The following ATP10A variants were observed in gnomAD, a reference collection of about 807,000 sequenced individuals.
The protein encoded by ATP10A is ATPase phospholipid transporting 10A (putative).
ATP10A carries 111 observed loss-of-function variants against 147.8 expected under a neutral mutation model. The ratio of observed to expected loss-of-function variants is 0.75; its 90% CI spans 0.64 to 0.88. ATP10A has a LOEUF of 0.88. ATP10A is among the 40% of genes least tolerant of loss of function. The pLI is 0.00. For missense variants in ATP10A, 1,927 were observed against 1,959.0 expected, an observed-to-expected ratio of 0.98 and a Z score of 0.31; for synonymous variants, 875 against 841.6, an observed-to-expected ratio of 1.04 and a Z score of -0.69.
intron 2 of ATP10A, among the ~76,000 whole-genome samples, chr15:25,753,723 A>G (rs1174318738): frequency 6.7e-6 from 1 of 149,910 alleles, no homozygotes; most frequent in Admixed American, 6.7e-5. Context: ...TGCAGTTTCT[A>G]TCTATATAAT....
intron 15 of ATP10A, among the ~76,000 whole-genome samples, chr15:25,689,059 A>T (rs999941119): frequency 2.0e-5 from 3 of 152,256 alleles, no homozygotes; most frequent in African/African-American, 7.2e-5. Context: ...CTGATGGCCT[A>T]CAAGGCCAAA....
intron 2 of ATP10A, among the ~76,000 whole-genome samples, chr15:25,773,936 T>C (rs1486349792): frequency 6.6e-6 from 1 of 152,116 alleles, no homozygotes; most frequent in Non-Finnish European, 1.5e-5. Flanking sequence ...AGGAAATCCC[T>C]GCTCCAGAAA....
At chr15:25,770,906 T>A (rs562700245) in intron 2 of ATP10A, among the ~76,000 whole-genome samples, 17 of 152,144 alleles carry the variant, frequency 1.1e-4, no homozygotes, top group Non-Finnish European at 2.2e-4. Flanking sequence ...ATGATAAACA[T>A]CTGAGCTCCC....
intron 13 of ATP10A, 147 bp downstream of exon 13, chr15:25,701,769 G>T: frequency 2.8e-6 from 2 of 716,870 alleles, no homozygotes; most frequent in Admixed American, 3.0e-5. Context: ...CTCTTCCAAG[G>T]CAATAACATG....
intron 2 of ATP10A, among the ~76,000 whole-genome samples, chr15:25,754,106 C>T (rs112648147): frequency 0.041 from 6,249 of 151,956 alleles, 209 homozygotes; most frequent in African/African-American, 0.087. Flanking sequence ...TCATGTGCTG[C>T]GGTTTTTTAT....
chr15:25,706,767 C>T (rs1026893427), intron 12 of ATP10A, among the ~76,000 whole-genome samples: 3 of 152,156 alleles, frequency 2.0e-5, no homozygotes, highest in African/African-American at 7.2e-5. Flanking sequence ...TTAGTGCTGT[C>T]CAGGGGAAAA....
Position 25,716,903 on chromosome 15 carries a change from G to A in ATP10A, c.1603C>T (p.Pro535Ser). The A allele has an allele frequency of 6.3e-7, 1 of 1,590,646 alleles. No homozygotes were observed. The highest frequency in any genetic ancestry group is 8.6e-7 in the Non-Finnish European group (1 of 1,166,806). Reference protein sequence around the residue: ...SPMEKDITPDPKLLEKVSECD... With the variant: ...SPMEKDITPDSKLLEKVSECD... ...TCACTCACCTTCTCCAGCAGCTTTG[G>A]GTCGGGCGTGATATCCTTCTCCTGG... The change falls in exon 9 of 21, where the codon CCA becomes TCA. Residue 535 changes from proline (P) to serine (S), a missense_variant. Pro to Ser is a moderately conservative substitution (Grantham distance 74). Transcript: ENST00000555815.
At chr15:25,838,131 A>C (rs1045240533) in intron 1 of ATP10A, among the ~76,000 whole-genome samples, 60 of 152,208 alleles carry the variant, frequency 3.9e-4, no homozygotes, top group African/African-American at 1.4e-3. Flanking sequence ...GAAAGGTATG[A>C]AAGTCCATAC....
At chr15:25,764,798 T>C (rs1888938956) in intron 2 of ATP10A, among the ~76,000 whole-genome samples, 1 of 152,224 alleles carries the variant, frequency 6.6e-6, no homozygotes. Flanking sequence ...CAGCCTATGA[T>C]GCTAGAAACC....
intron 5 of ATP10A, 57 bp downstream of exon 5, chr15:25,725,893 CG>C: frequency 6.5e-7 from 1 of 1,543,398 alleles, no homozygotes; most frequent in Non-Finnish European, 8.8e-7. Flanking sequence ...GCTAGGATTA[CG>C]GGCACGAGCC....
At chr15:25,716,676 A>G in intron 9 of ATP10A, 54 bp downstream of exon 9, 2 of 1,457,038 alleles carry the variant, frequency 1.4e-6, no homozygotes, top group Non-Finnish European at 1.8e-6. Flanking sequence ...ACTGACAACC[A>G]TGGCCCGCAG....
At chr15:25,714,368 A>C in intron 9 of ATP10A, 127 bp from the exon 10 acceptor site, 2 of 796,142 alleles carry the variant, frequency 2.5e-6, no homozygotes, top group South Asian at 3.3e-5. Flanking sequence ...CTGGGGTCTC[A>C]GAGCACAGAT....
At chr15:25,820,366 A>G (rs547160595) in intron 1 of ATP10A, among the ~76,000 whole-genome samples, 9 of 152,306 alleles carry the variant, frequency 5.9e-5, no homozygotes, top group Non-Finnish European at 1.3e-4. Context: ...TACTTTCTGA[A>G]AGACTTAAAA....
At chr15:25,809,754 C>T (rs1257045200) in intron 1 of ATP10A, among the ~76,000 whole-genome samples, 3 of 152,098 alleles carry the variant, frequency 2.0e-5, no homozygotes, top group East Asian at 1.9e-4. Flanking sequence ...CTCTCGTCTC[C>T]AGCAACATAC....
chr15:25,834,220 C>G (rs1443362553), intron 1 of ATP10A, among the ~76,000 whole-genome samples: 3 of 152,092 alleles, frequency 2.0e-5, no homozygotes, highest in African/African-American at 7.2e-5. Context: ...ATCAAGGAAG[C>G]AAAGAGACAA....
At chr15:25,704,246 A>G (rs368477066) in intron 12 of ATP10A, among the ~76,000 whole-genome samples, 15 of 151,546 alleles carry the variant, frequency 9.9e-5, no homozygotes, top group African/African-American at 3.4e-4. Flanking sequence ...ATACTTAATG[A>G]TAGTAATAAT....
chr15:25,803,316 C>T (rs1891023720), intron 1 of ATP10A, among the ~76,000 whole-genome samples: 1 of 152,232 alleles, frequency 6.6e-6, no homozygotes. Context: ...ATTCAGGAAA[C>T]ATCTGTTGGT....
intron 1 of ATP10A, 41 bp downstream of exon 1, chr15:25,862,607 C>T (rs765131756): frequency 6.7e-7 from 1 of 1,502,506 alleles, no homozygotes; most frequent in Admixed American, 2.0e-5. Flanking sequence ...GCGCCCTGCC[C>T]TGCGCCACCG....
chr15:25,738,813 T>C (rs993368865), intron 2 of ATP10A, among the ~76,000 whole-genome samples: 14 of 152,198 alleles, frequency 9.2e-5, no homozygotes, highest in Non-Finnish European at 1.3e-4. Flanking sequence ...GGCATTGTGC[T>C]AAGTGCCCTA....
Sources: gnomAD v4.1 joint callset for allele counts (sites outside exome capture counted in the v4.1 genomes callset) on GRCh38, gnomAD v4.1.1 for gene constraint, MANE v1.5 for transcripts, NCBI Gene and HGNC (gene_info 2026-07-23, HGNC 2026-07-21) for gene names.